The following CCNB1IP1 variants were observed in gnomAD, a reference collection of about 807,000 sequenced individuals.
CCNB1IP1 encodes the protein cyclin B1 interacting protein 1.
Under a neutral mutation model 25.6 loss-of-function variants are expected in CCNB1IP1, and 14 were observed. The ratio of observed to expected loss-of-function variants is 0.55; its 90% CI spans 0.36 to 0.85. The LOEUF is 0.85. CCNB1IP1 is among the 40% of genes least tolerant of loss of function. The probability of loss-of-function intolerance (pLI) is 0.01; values close to 1 mark genes in which losing one functional copy is unlikely to be tolerated. For missense variants in CCNB1IP1, 278 were observed against 342.4 expected, an observed-to-expected ratio of 0.81 and a Z score of 1.48; for synonymous variants, 119 against 116.1, an observed-to-expected ratio of 1.02 and a Z score of -0.16.
intron 3 of CCNB1IP1, among the ~76,000 whole-genome samples, chr14:20,325,923 G>A (rs1883061271): frequency 6.6e-6 from 1 of 152,120 alleles, no homozygotes; most frequent in Non-Finnish European, 1.5e-5. Flanking sequence ...TAGTATTTTA[G>A]TATATATGTC....
At chr14:20,322,010 A>G (rs1434326771) in intron 4 of CCNB1IP1, among the ~76,000 whole-genome samples, 1 of 152,252 alleles carries the variant, frequency 6.6e-6, no homozygotes, top group African/African-American at 2.4e-5. Flanking sequence ...GTTTTTAACC[A>G]TACCTGAATG....
At chr14:20,319,144 G>A (rs1882812799) in intron 4 of CCNB1IP1, 1 of 152,166 alleles carries the variant, frequency 6.6e-6, no homozygotes, top group Non-Finnish European at 1.5e-5. Flanking sequence ...CCACGCAGTG[G>A]ACATCAAACC....
intron 4 of CCNB1IP1, chr14:20,318,289 C>G (rs530520386): frequency 6.6e-6 from 1 of 152,214 alleles, no homozygotes; most frequent in African/African-American, 2.4e-5. Flanking sequence ...GCGTGGCCAA[C>G]ACGGTGAAAC....
intron 4 of CCNB1IP1, among the ~76,000 whole-genome samples, chr14:20,322,209 T>G (rs1311975589): frequency 2.0e-5 from 3 of 152,234 alleles, no homozygotes; most frequent in Non-Finnish European, 4.4e-5. Flanking sequence ...AATACCACAG[T>G]GAATGTTCTA....
At chr14:20,331,170 CT>C (rs1883223942) in intron 1 of CCNB1IP1, among the ~76,000 whole-genome samples, 1 of 152,094 alleles carries the variant, frequency 6.6e-6, no homozygotes, top group Non-Finnish European at 1.5e-5. Context: ...AAAATATGCC[CT>C]CAACACCATG....
At chr14:20,327,674 G>A (rs1883117149) in intron 2 of CCNB1IP1, among the ~76,000 whole-genome samples, 1 of 151,858 alleles carries the variant, frequency 6.6e-6, no homozygotes, top group South Asian at 2.1e-4. Flanking sequence ...AAATACTGCA[G>A]TTATACTTTC....
At position 20,316,256 on chromosome 14, in the gene CCNB1IP1, A is replaced by C. The variant is rs1882690754; in HGVS notation, c.268T>G (p.Ser90Ala). The C allele has an allele frequency of 3.7e-6, 6 of 1,613,816 alleles. No homozygotes were observed. The South Asian group carries it at 6.6e-5, about 18-fold the overall frequency. The change falls in exon 5 of 7, where the codon TCC becomes GCC. Residue 90 changes from serine to alanine, a missense_variant. Ser to Ala is a moderately conservative substitution (Grantham distance 99). Coordinates refer to ENST00000358932, the MANE Select transcript of CCNB1IP1 (RefSeq NM_021178.5). The part of the protein sequence containing the change: ...LRPEIVLDIS[S>A]RALAFWTYQV... ...TATGTCCAGAAGGCCAGCGCTCGGG[A>C]GCTAATGTCCAACACGATCTCTGGT...
In CCNB1IP1 at chr14:20,329,254, T is replaced by C. The variant is rs1441298781; in HGVS notation, c.-311A>G. 6.6e-6 allele frequency: 1 copy of C among 152,210 alleles called. No homozygotes were observed. The highest frequency in any genetic ancestry group is 2.4e-5 in the African/African-American group (1 of 41,472). 9.4% of individuals were successfully genotyped at this position (152,210 alleles called of 1,614,324 possible). A position where few individuals can be genotyped will look rare whatever the true frequency, so the allele number is the denominator to read the frequency against. ...TTTAGGTACCATCAGCCTTTAACCC[T>C]TTCTGTTGAGAATATCCAAATCCAA... is the stretch of plus-strand genomic sequence containing the variant. On this transcript the variant is annotated 5_prime_UTR_variant, in exon 2 of 7. Coordinates refer to ENST00000358932, the MANE Select transcript of CCNB1IP1 (RefSeq NM_021178.5).
intron 4 of CCNB1IP1, among the ~76,000 whole-genome samples, chr14:20,321,136 CAAAA>C (rs11357993): frequency 7.2e-6 from 1 of 138,166 alleles, no homozygotes; most frequent in Non-Finnish European, 1.6e-5. Context: ...AACTCCGTCT[CAAAA>C]AAAAAAAAAG....
chr14:20,332,023 T>TATATATATGATGTGTATAC (rs1883260541), intron 1 of CCNB1IP1, among the ~76,000 whole-genome samples: 1 of 54,180 alleles, frequency 1.8e-5, no homozygotes, highest in South Asian at 8.1e-4. Context: ...TATATATATA[T>TATATATATGATGTGTATAC]ATATTTTTTT....
intron 4 of CCNB1IP1, among the ~76,000 whole-genome samples, chr14:20,320,734 G>A (rs1402005601): frequency 8.6e-5 from 13 of 150,676 alleles, no homozygotes; most frequent in Non-Finnish European, 1.6e-4. Context: ...GAACCCGGGA[G>A]GCGGAGGTTG....
At chr14:20,323,267 T>TATA (rs1882954529) in intron 4 of CCNB1IP1, 1 of 152,146 alleles carries the variant, frequency 6.6e-6, no homozygotes, top group South Asian at 2.1e-4. Flanking sequence ...CCATTTTTGA[T>TATA]ATATGATGGA....
rs1388814796 is a variant in CCNB1IP1, at chr14:20,333,269, G to T, written c.-446C>A. Reference sequence around the variant, plus strand: ...GCACACTCACCAGCCCACCAAAACGGAGAGGGAAAGAAAGTGGAGAGACAG... The same window carrying T: ...GCACACTCACCAGCCCACCAAAACGTAGAGGGAAAGAAAGTGGAGAGACAG... On this transcript the variant is annotated 5_prime_UTR_variant, in exon 1 of 7. Transcript: ENST00000358932. The T allele has an allele frequency of 6.6e-6, 1 of 152,302 alleles. No individual in the cohort carries two copies. The highest frequency in any genetic ancestry group is 2.4e-5 in the African/African-American group (1 of 41,444). The allele number at this position is 152,302 out of a possible 1,614,324, so 9.4% of individuals were successfully genotyped here.
intron 4 of CCNB1IP1, 55 bp from the exon 5 acceptor site, chr14:20,316,615 G>T: frequency 1.0e-6 from 1 of 992,718 alleles, no homozygotes; most frequent in Non-Finnish European, 1.5e-6. Flanking sequence ...GAAAATAAAA[G>T]TAAAAAAGAA....
intron 4 of CCNB1IP1, among the ~76,000 whole-genome samples, chr14:20,323,917 C>CAAAAAAAAAAAAA (rs59156707): frequency 1.4e-5 from 1 of 73,700 alleles, no homozygotes; most frequent in Non-Finnish European, 2.5e-5. Context: ...GACTCCGTCT[C>CAAAAAAAAAAAAA]AAAAAAAAAA....
intron 4 of CCNB1IP1, chr14:20,317,832 C>T (rs1233418452): frequency 6.6e-6 from 1 of 152,282 alleles, no homozygotes; most frequent in Admixed American, 6.5e-5. Context: ...AACTCCGTTG[C>T]CTCCACAGCT....
chr14:20,321,736 T>C (rs1185456587), intron 4 of CCNB1IP1, among the ~76,000 whole-genome samples: 1 of 152,104 alleles, frequency 6.6e-6, no homozygotes, highest in South Asian at 2.1e-4. Flanking sequence ...ATCGGCGTGA[T>C]CAAGAATCTT....
chr14:20,324,218 GCT>G (rs778811997), intron 4 of CCNB1IP1, among the ~76,000 whole-genome samples: 18 of 152,094 alleles, frequency 1.2e-4, no homozygotes, highest in Non-Finnish European at 2.1e-4. Flanking sequence ...ACGAAGTCTA[GCT>G]CTGTCACCCA....
intron 4 of CCNB1IP1, 110 bp from the exon 5 acceptor site, chr14:20,316,670 A>C: frequency 1.7e-6 from 1 of 598,220 alleles, no homozygotes; most frequent in Non-Finnish European, 2.9e-6. Context: ...ACATTTTATT[A>C]TATTCCTTGT....
Sources: allele counts gnomAD v4.1 joint callset (sites outside exome capture counted in the v4.1 genomes callset), GRCh38; gene constraint gnomAD v4.1.1; transcripts MANE v1.5; gene names NCBI Gene and HGNC (gene_info 2026-07-23, HGNC 2026-07-21).